Variants in STK32A observed in about 807,000 individuals in gnomAD.
The protein encoded by STK32A is serine/threonine kinase 32A.
Under a neutral mutation model 53.2 loss-of-function variants are expected in STK32A, and 41 were observed. That is an observed-to-expected ratio of 0.77 (90% CI 0.60 to 1.00). The LOEUF is 1.00. Among genes scored for constraint, STK32A ranks in the 50% least tolerant of loss-of-function variants. STK32A has a pLI of 0.00. For missense variants in STK32A, 458 were observed against 485.8 expected (o/e 0.94, Z 0.54); for synonymous variants, 166 against 162.8 (o/e 1.02, Z -0.15).
At chr5:147,348,653 G>A (rs1241497451) in intron 6 of STK32A, 1 of 760,956 alleles carries the variant, frequency 1.3e-6, no homozygotes. Context: ...ATGTCTGGCT[G>A]CTCATCTGAA....
intron 2 of STK32A, among the ~76,000 whole-genome samples, chr5:147,268,950 C>CT (rs1278451245): frequency 1.2e-4 from 19 of 152,144 alleles, no homozygotes; most frequent in Non-Finnish European, 1.5e-5. Flanking sequence ...GCTTATTCTA[C>CT]TTTTTTGTGC....
At chr5:147,314,451 T>C (rs1185850015) in intron 4 of STK32A, among the ~76,000 whole-genome samples, 1 of 142,070 alleles carries the variant, frequency 7.0e-6, no homozygotes, top group Non-Finnish European at 1.5e-5. Flanking sequence ...GGCGTGGAGA[T>C]TGTGCCATTG....
chr5:147,302,263 G>C (rs1316769835), intron 4 of STK32A, among the ~76,000 whole-genome samples: 1 of 152,018 alleles, frequency 6.6e-6, no homozygotes, highest in African/African-American at 2.4e-5. Flanking sequence ...ACGTTTTATT[G>C]TAATTGTTTT....
intron 4 of STK32A, among the ~76,000 whole-genome samples, chr5:147,315,433 T>C (rs1753943847): frequency 6.6e-6 from 1 of 152,158 alleles, no homozygotes; most frequent in Admixed American, 6.5e-5. Context: ...ACAACATGGA[T>C]GAACCTTGAA....
intron 9 of STK32A, 115 bp downstream of exon 9, chr5:147,370,885 G>C: frequency 1.7e-6 from 1 of 601,464 alleles, no homozygotes; most frequent in Non-Finnish European, 2.9e-6. Context: ...TACATTTGTA[G>C]AGTGTATTTT....
At chr5:147,327,597 G>C (rs1754663535) in intron 5 of STK32A, among the ~76,000 whole-genome samples, 1 of 152,234 alleles carries the variant, frequency 6.6e-6, no homozygotes, top group Admixed American at 6.5e-5. Flanking sequence ...GCAGTAGGCT[G>C]CTGTTTGCTT....
At chr5:147,329,110 A>G (rs1754739512) in intron 5 of STK32A, among the ~76,000 whole-genome samples, 1 of 152,212 alleles carries the variant, frequency 6.6e-6, no homozygotes, top group South Asian at 2.1e-4. Context: ...TTCATTTCCC[A>G]TTGAGTACCG....
chr5:147,319,975 C>A (rs538027701), intron 4 of STK32A, among the ~76,000 whole-genome samples: 1 of 152,042 alleles, frequency 6.6e-6, no homozygotes, highest in Non-Finnish European at 1.5e-5. Context: ...CAGCCCATAA[C>A]GAGAAATAAT....
chr5:147,340,393 T>C (rs1333001125), intron 5 of STK32A, among the ~76,000 whole-genome samples: 1 of 152,232 alleles, frequency 6.6e-6, no homozygotes, highest in Non-Finnish European at 1.5e-5. Context: ...AAATATATTA[T>C]AGACTACTGT....
chr5:147,267,085 C>G lies in STK32A; in HGVS notation c.53-11039C>G, dbSNP rs189193778. Among the ~76,000 whole-genome samples the G allele has an allele frequency of 2.7e-4, 41 of 151,250 alleles. No individual in the cohort carries two copies. The East Asian group carries it at 7.2e-3, about 26-fold the overall frequency. ...CTGGGCTGAAACAAAGGTAATTCAT[C>G]TGGTAACAATAGCAATAACATAAAT... On this transcript the variant is annotated intron_variant, in intron 2 of 12. Transcript: ENST00000397936.
rs1374643807 is a variant in STK32A at position 147,235,123 on chromosome 5, T to C, written c.-173T>C. ...TTCTTGCTCCTTGCTCTTGGAGTTCTTCTCTTAGTCCCTGTTCCCTGGATG... is the reference window on the plus strand; with the variant it reads ...TTCTTGCTCCTTGCTCTTGGAGTTCCTCTCTTAGTCCCTGTTCCCTGGATG... On this transcript the variant is annotated 5_prime_UTR_variant, in exon 1 of 13. Transcript: ENST00000397936. 1 of 153,168 alleles carries C rather than the reference T, an allele frequency of 6.5e-6. No homozygotes were observed. The highest frequency in any genetic ancestry group is 1.5e-5 in the Non-Finnish European group (1 of 68,834). 9.5% of individuals were successfully genotyped at this position (153,168 alleles called of 1,614,324 possible).
At chr5:147,296,989 C>T (rs909410857) in intron 4 of STK32A, among the ~76,000 whole-genome samples, 1 of 152,112 alleles carries the variant, frequency 6.6e-6, no homozygotes, top group African/African-American at 2.4e-5. Context: ...AAGAAGAAAG[C>T]CTATTTTACC....
intron 5 of STK32A, among the ~76,000 whole-genome samples, chr5:147,336,535 A>G (rs527970022): frequency 1.3e-5 from 2 of 152,312 alleles, no homozygotes; most frequent in South Asian, 4.1e-4. Flanking sequence ...AATACTATAT[A>G]TGCCCACTAT....
At chr5:147,274,330 C>T (rs529294819) in intron 2 of STK32A, among the ~76,000 whole-genome samples, 1 of 152,278 alleles carries the variant, frequency 6.6e-6, no homozygotes, top group Admixed American at 6.5e-5. Context: ...TCTGCCTTTG[C>T]CCACACTAAA....
intron 5 of STK32A, among the ~76,000 whole-genome samples, chr5:147,332,123 C>T (rs1219176711): frequency 6.6e-6 from 1 of 152,164 alleles, no homozygotes; most frequent in African/African-American, 2.4e-5. Flanking sequence ...CTCAGAGCAC[C>T]TTCTGTCCTC....
At chr5:147,343,092 A>T (rs780329285) in intron 6 of STK32A, 49 bp downstream of exon 6, 1 of 1,591,984 alleles carries the variant, frequency 6.3e-7, no homozygotes, top group Non-Finnish European at 8.6e-7. Context: ...GCATGTAGAA[A>T]AGTTGATTGT....
At chr5:147,374,392 G>T (rs560499586) in intron 10 of STK32A, among the ~76,000 whole-genome samples, 1 of 152,112 alleles carries the variant, frequency 6.6e-6, no homozygotes, top group Non-Finnish European at 1.5e-5. Context: ...TCCAATGAGA[G>T]GGTAAGGAGA....
chr5:147,238,201 C>G (rs1035940741), intron 1 of STK32A, among the ~76,000 whole-genome samples: 1 of 152,224 alleles, frequency 6.6e-6, no homozygotes, highest in African/African-American at 2.4e-5. Context: ...GGGGATAGAT[C>G]TGAAGATCTG....
chr5:147,298,969 C>T (rs562358973), intron 4 of STK32A, among the ~76,000 whole-genome samples: 1 of 152,162 alleles, frequency 6.6e-6, no homozygotes, highest in African/African-American at 2.4e-5. Context: ...TTGGGTGAAC[C>T]AAGCTGTTGA....
Sources: allele counts gnomAD v4.1 joint callset (sites outside exome capture counted in the v4.1 genomes callset), GRCh38; gene constraint gnomAD v4.1.1; transcripts MANE v1.5; gene names NCBI Gene and HGNC (gene_info 2026-07-23, HGNC 2026-07-21).